The following FAT3 variants were observed in gnomAD, a reference collection of about 807,000 sequenced individuals.
FAT3 encodes the protein FAT atypical cadherin 3, also known as protocadherin Fat 3.
Under a neutral mutation model 310.2 loss-of-function variants are expected in FAT3, and 95 were observed. That is an observed-to-expected ratio of 0.31 (90% confidence interval 0.26 to 0.36). The LOEUF (loss-of-function observed/expected upper bound fraction) is 0.36, where lower values mean the gene tolerates loss of function less well. Ranked by LOEUF, FAT3 falls within the 10% of genes least tolerant of loss-of-function variation. The pLI is 1.00. For synonymous variants in FAT3, 2,314 were observed against 2,192.9 expected (o/e 1.06, Z -1.54); for missense variants, 5,408 against 5,715.6 (o/e 0.95, Z 1.74).
At chr11:92,637,148 G>A (rs1215689361) in intron 3 of FAT3, among the ~76,000 whole-genome samples, 1 of 152,128 alleles carries the variant, frequency 6.6e-6, no homozygotes, top group African/African-American at 2.4e-5. Context: ...TACACAAAAG[G>A]GAAAAGACAT....
At chr11:92,695,757 G>A (rs1293618795) in intron 3 of FAT3, among the ~76,000 whole-genome samples, 3 of 152,104 alleles carry the variant, frequency 2.0e-5, no homozygotes, top group Non-Finnish European at 4.4e-5. Context: ...CTGTCAATTT[G>A]TCTAGCGAGG....
chr11:92,280,351 GCTCAGAA>G (rs1482157854), intron 1 of FAT3, among the ~76,000 whole-genome samples: 1 of 152,156 alleles, frequency 6.6e-6, no homozygotes, highest in African/African-American at 2.4e-5. Flanking sequence ...TTTAAAAAAT[GCTCAGAA>G]GATTTTGGAA....
At position 92,893,319 on chromosome 11, in the gene FAT3, C is replaced by T. The variant is rs1949956927; in HGVS notation, c.*2206C>T. 1 of 152,198 alleles carries T rather than the reference C, an allele frequency of 6.6e-6. No homozygotes were observed. Among genetic ancestry groups the T allele is most frequent in the African/African-American group, 2.4e-5 (1 of 41,442 alleles). 9.4% of individuals were successfully genotyped at this position (152,198 alleles called of 1,614,324 possible). ...AAATAAATGAATTTCACTAAGGCTG[C>T]TTTCGAGAACAAAGTCTTTGGTATT... On this transcript the variant is annotated 3_prime_UTR_variant, in exon 28 of 28. Transcript: ENST00000525166.
At chr11:92,304,681 A>G (rs1027531627) in intron 1 of FAT3, among the ~76,000 whole-genome samples, 1 of 152,094 alleles carries the variant, frequency 6.6e-6, no homozygotes, top group African/African-American at 2.4e-5. Context: ...TGTGAAAGTT[A>G]AGAGGACAAC....
chr11:92,262,428 T>C (rs938001581), intron 1 of FAT3, among the ~76,000 whole-genome samples: 5 of 152,112 alleles, frequency 3.3e-5, no homozygotes, highest in Non-Finnish European at 7.4e-5. Flanking sequence ...AGCTTTCCCA[T>C]TGGCTGAAGA....
intron 2 of FAT3, among the ~76,000 whole-genome samples, chr11:92,517,372 C>CAATGGGG (rs1953522191): frequency 6.8e-6 from 1 of 147,344 alleles, no homozygotes; most frequent in African/African-American, 2.4e-5. Flanking sequence ...AAAAACAAGT[C>CAATGGGG]ATAGATTCCC....
chr11:92,313,288 G>A (rs1399842192), intron 1 of FAT3, among the ~76,000 whole-genome samples: 1 of 151,990 alleles, frequency 6.6e-6, no homozygotes, highest in Non-Finnish European at 1.5e-5. Flanking sequence ...TCCACATCTG[G>A]GACTACCAAC....
intron 1 of FAT3, among the ~76,000 whole-genome samples, chr11:92,265,807 A>T (rs894704209): frequency 9.2e-5 from 14 of 152,010 alleles, no homozygotes; most frequent in Admixed American, 2.0e-4. Flanking sequence ...AACCCCACTC[A>T]TGAGACTCTA....
intron 3 of FAT3, among the ~76,000 whole-genome samples, chr11:92,558,390 C>T (rs1352774261): frequency 1.8e-5 from 2 of 111,970 alleles, no homozygotes; most frequent in Non-Finnish European, 4.0e-5. Context: ...CATATGTGCA[C>T]GTGTTGTGTT....
At chr11:92,640,085 AT>A (rs552788033) in intron 3 of FAT3, among the ~76,000 whole-genome samples, 12 of 151,510 alleles carry the variant, frequency 7.9e-5, no homozygotes, top group Non-Finnish European at 5.9e-5. Flanking sequence ...TAGTATTCTG[AT>A]TTTTTTTGCC....
chr11:92,838,267 C>G (rs1215228574), intron 17 of FAT3, among the ~76,000 whole-genome samples: 2 of 152,156 alleles, frequency 1.3e-5, no homozygotes, highest in Admixed American at 1.3e-4. Context: ...GAGATTGATA[C>G]GCATTGTCTC....
At chr11:92,298,362 A>G (rs1010388574) in intron 1 of FAT3, among the ~76,000 whole-genome samples, 7 of 152,142 alleles carry the variant, frequency 4.6e-5, no homozygotes, top group Non-Finnish European at 7.4e-5. Context: ...TACACAGAAT[A>G]TGCAATCCTT....
At chr11:92,653,471 G>C (rs1297705246) in intron 3 of FAT3, among the ~76,000 whole-genome samples, 2 of 152,064 alleles carry the variant, frequency 1.3e-5, no homozygotes, top group African/African-American at 4.8e-5. Flanking sequence ...CATCCATGCA[G>C]GTTACCTTCC....
intron 1 of FAT3, among the ~76,000 whole-genome samples, chr11:92,229,310 GA>G (rs1276016698): frequency 6.6e-6 from 1 of 151,718 alleles, no homozygotes; most frequent in African/African-American, 2.4e-5. Context: ...CTGACCTCTT[GA>G]GGATCACCAC....
intron 2 of FAT3, among the ~76,000 whole-genome samples, chr11:92,431,229 T>C (rs1358137492): frequency 5.3e-5 from 8 of 152,226 alleles, no homozygotes; most frequent in Admixed American, 2.6e-4. Flanking sequence ...GATATCTCAT[T>C]GTGGTTTTGA....
At chr11:92,471,984 A>G (rs1447164212) in intron 2 of FAT3, among the ~76,000 whole-genome samples, 2 of 147,334 alleles carry the variant, frequency 1.4e-5, no homozygotes, top group Non-Finnish European at 3.0e-5. Flanking sequence ...TAATTTATGT[A>G]TGTATATTTA....
At chr11:92,604,353 T>G (rs1940174200) in intron 3 of FAT3, among the ~76,000 whole-genome samples, 1 of 152,208 alleles carries the variant, frequency 6.6e-6, no homozygotes, top group Admixed American at 6.5e-5. Context: ...TTAATTATAT[T>G]TAATTAGTCC....
In FAT3 at chr11:92,800,847, G is replaced by A. The variant is rs1186569167; in HGVS notation, c.7834G>A (p.Asp2612Asn). Residue 2612 changes from aspartate to asparagine, a missense_variant, in exon 10 of 28, where the codon GAT becomes AAT. This residue lies in a region of FAT3 where 4,588 missense variants were observed against 4,809.8 expected (regional missense o/e 0.95). Transcript: ENST00000525166. The part of the protein sequence containing the change: ...TVEYRASVRA[D>N]VGRGHLVTQV... ...GGAATATAGAGCCAGTGTCAGGGCA[G>A]ATGTTGGAAGGGGCCACTTGGTCAC... 1 of 1,613,552 alleles carries A rather than the reference G, an allele frequency of 6.2e-7. No individual in the cohort carries two copies. Among genetic ancestry groups the A allele is most frequent in the Non-Finnish European group, 8.5e-7 (1 of 1,179,800 alleles).
At chr11:92,597,035 T>C (rs1227912263) in intron 3 of FAT3, among the ~76,000 whole-genome samples, 1 of 152,188 alleles carries the variant, frequency 6.6e-6, no homozygotes, top group African/African-American at 2.4e-5. Flanking sequence ...CTCATTGTAT[T>C]CTCCTTCATG....
Sources: gnomAD v4.1 joint callset for allele counts (sites outside exome capture counted in the v4.1 genomes callset) on GRCh38, gnomAD v4.1.1 for gene constraint, gnomAD v4.1.1 regional missense constraint, MANE v1.5 for transcripts, NCBI Gene and HGNC (gene_info 2026-07-23, HGNC 2026-07-21) for gene names.